Variants in ABCA8 observed in about 807,000 individuals in gnomAD.
ABCA8 encodes ATP binding cassette subfamily A member 8, also known as ABC-type organic anion transporter ABCA8.
In ABCA8, 177 loss-of-function variants were observed where a neutral mutation model predicts 192.3. That is an observed-to-expected ratio of 0.92 (90% CI 0.81 to 1.04). The LOEUF (loss-of-function observed/expected upper bound fraction) is 1.04, where lower values mean the gene tolerates loss of function less well. Ranked by LOEUF, ABCA8 falls within the 50% of genes least tolerant of loss-of-function variation. The pLI, the probability that ABCA8 is intolerant of heterozygous loss-of-function variation, is 0.00. For synonymous variants in ABCA8, 642 were observed against 690.2 expected (o/e 0.93, Z 1.09); for missense variants, 1,915 against 1,904.8 (o/e 1.01, Z -0.10).
intron 9 of ABCA8, 104 bp from the exon 10 acceptor site, chr17:68,928,167 G>A (rs2067755390): frequency 3.2e-6 from 3 of 944,508 alleles, no homozygotes; most frequent in Non-Finnish European, 4.6e-6. Context: ...GCCTCATACT[G>A]AGAATAGAGT....
chr17:68,921,524 A>C (rs1281864841), intron 12 of ABCA8, 32 bp from the exon 13 acceptor site: 2 of 1,418,054 alleles, frequency 1.4e-6, no homozygotes, highest in Non-Finnish European at 9.8e-7. Context: ...AAAGAAAGAT[A>C]AGATAAAGGG....
chr17:68,915,253 G>A (rs1413511156), intron 17 of ABCA8, among the ~76,000 whole-genome samples: 1 of 151,962 alleles, frequency 6.6e-6, no homozygotes. Context: ...CACAAGCAGA[G>A]GTGACTAAAG....
At chr17:68,869,356 G>A (rs779198389) in intron 38 of ABCA8, among the ~76,000 whole-genome samples, 68 of 152,036 alleles carry the variant, frequency 4.5e-4, no homozygotes, top group Non-Finnish European at 8.7e-4. Context: ...GCCAGTCCAC[G>A]GAAAAATTTA....
At chr17:68,929,759 C>A in intron 7 of ABCA8, 57 bp from the exon 8 acceptor site, 2 of 1,466,988 alleles carry the variant, frequency 1.4e-6, no homozygotes, top group Admixed American at 4.4e-5. Context: ...AAAGGAAGAC[C>A]TGAAATGGAT....
intron 21 of ABCA8, among the ~76,000 whole-genome samples, chr17:68,901,564 T>C (rs970718788): frequency 1.3e-5 from 2 of 151,986 alleles, no homozygotes; most frequent in African/African-American, 4.8e-5. Context: ...TCCCAACACT[T>C]TGGGAGGCTG....
At chr17:68,921,027 A>G (rs1411566893) in intron 13 of ABCA8, among the ~76,000 whole-genome samples, 7 of 152,198 alleles carry the variant, frequency 4.6e-5, no homozygotes, top group East Asian at 1.9e-4. Flanking sequence ...GCCATAAAAA[A>G]TGATGAGTTC....
intron 37 of ABCA8, among the ~76,000 whole-genome samples, chr17:68,872,888 G>A (rs1329803153): frequency 6.6e-6 from 1 of 152,168 alleles, no homozygotes; most frequent in Non-Finnish European, 1.5e-5. Context: ...GCCATACAAT[G>A]TGTTTGTATT....
intron 33 of ABCA8, 193 bp downstream of exon 33, chr17:68,877,326 A>G (rs769977290): frequency 2.0e-6 from 1 of 491,302 alleles, no homozygotes; most frequent in East Asian, 3.5e-5. Context: ...GCCTTTTTAA[A>G]TTTTCTTATT....
At chr17:68,874,778 CATCAGG>C (rs2066156452) in intron 37 of ABCA8, among the ~76,000 whole-genome samples, 1 of 152,042 alleles carries the variant, frequency 6.6e-6, no homozygotes, top group African/African-American at 2.4e-5. Flanking sequence ...AAAATAAATA[CATCAGG>C]ATGATGCTGT....
chr17:68,903,020 T>G (rs761414168), intron 20 of ABCA8, 141 bp from the exon 21 acceptor site: 4 of 821,510 alleles, frequency 4.9e-6, no homozygotes, highest in Non-Finnish European at 7.4e-6. Context: ...TATTTTGTCC[T>G]TTTACTAACT....
chr17:68,919,566 T>C (rs1249217001), intron 13 of ABCA8, 90 bp from the exon 14 acceptor site: 3 of 1,166,828 alleles, frequency 2.6e-6, no homozygotes, highest in African/African-American at 3.1e-5. Context: ...TGACTTTATC[T>C]TGACAGTTTA....
In ABCA8 at chr17:68,922,291, A is replaced by G. The variant is rs763303496; in HGVS notation, c.1452T>C (p.Asn484=). 42 of 1,225,468 alleles carry G rather than the reference A, an allele frequency of 3.4e-5. No homozygotes were observed. The highest frequency in any genetic ancestry group is 4.5e-5 in the Non-Finnish European group (42 of 931,696). The allele number at this position is 1,225,468 out of a possible 1,614,324, so 75.9% of individuals were successfully genotyped here. Residue 484 remains asparagine, a synonymous_variant, in exon 12 of 40, where the codon AAT becomes AAC. Coordinates refer to ENST00000586539, the MANE Select transcript of ABCA8 (RefSeq NM_001288985.2). ...GCTTTCCTTTATATTCTTTTGTAAC[A>G]TTTCTGATTCTGAAAAAAAGAAAAG... ...FQGKEAIRIR[N]VTKEYKGKPD...
chr17:68,930,264 G>A (rs1253220287), intron 7 of ABCA8, among the ~76,000 whole-genome samples: 1 of 152,130 alleles, frequency 6.6e-6, no homozygotes, highest in Non-Finnish European at 1.5e-5. Context: ...TCAGAGACAA[G>A]AAATTCTTCC....
chr17:68,939,594 G>A (rs2068168626), intron 4 of ABCA8, among the ~76,000 whole-genome samples: 1 of 152,074 alleles, frequency 6.6e-6, no homozygotes, highest in South Asian at 2.1e-4. Context: ...AGAGTCTGCA[G>A]ACCAACTCTG....
rs556686636 is a variant in ABCA8, at chr17:68,869,734, T to C, written c.4677A>G (p.Gln1559=). ...ATTTGAAGAAAGCTTGGGCTAAAGG[T>C]TGCACATCTTCCACTGGCAACTTAT... ...MVYKLPVEDV[Q]PLAQAFFKLE... Residue 1559 remains glutamine, a synonymous_variant, in exon 38 of 40, where the codon CAA becomes CAG. Coordinates refer to ENST00000586539, the MANE Select transcript of ABCA8 (RefSeq NM_001288985.2). The C allele has an allele frequency of 4.3e-6, 7 of 1,613,262 alleles. No individual in the cohort carries two copies. In the South Asian group the frequency reaches 7.7e-5, roughly 18 times the overall value.
At chr17:68,924,576 G>A (rs2067643859) in intron 11 of ABCA8, 125 bp downstream of exon 11, 1 of 1,004,626 alleles carries the variant, frequency 1.0e-6, no homozygotes, top group Non-Finnish European at 1.4e-6. Context: ...GAAAGTGACA[G>A]AAGCAGCATA....
chr17:68,902,437 A>G (rs535939116), intron 21 of ABCA8, among the ~76,000 whole-genome samples: 1 of 152,338 alleles, frequency 6.6e-6, no homozygotes, highest in African/African-American at 2.4e-5. Flanking sequence ...GATAAATTGT[A>G]TGGCCTGTGA....
At chr17:68,917,236 C>T (rs1276661215) in intron 17 of ABCA8, 125 bp downstream of exon 17, 9 of 585,850 alleles carry the variant, frequency 1.5e-5, no homozygotes, top group African/African-American at 7.6e-5. Context: ...ATCGATACTC[C>T]GTCTCAAAAA....
At chr17:68,944,154 G>C (rs150494101) in intron 2 of ABCA8, among the ~76,000 whole-genome samples, 39 of 151,038 alleles carry the variant, frequency 2.6e-4, no homozygotes, top group African/African-American at 4.9e-4. Flanking sequence ...GGTCCTGTTG[G>C]GGGGTGAGAG....
Sources: gnomAD v4.1 joint callset for allele counts (sites outside exome capture counted in the v4.1 genomes callset) on GRCh38, gnomAD v4.1.1 for gene constraint, MANE v1.5 for transcripts, NCBI Gene and HGNC (gene_info 2026-07-23, HGNC 2026-07-21) for gene names.